The following OTOP3 variants were observed in gnomAD, a reference collection of about 807,000 sequenced individuals.
OTOP3 encodes otopetrin 3.
In OTOP3, 41 loss-of-function variants were observed where a neutral mutation model predicts 50.8. The ratio of observed to expected loss-of-function variants is 0.81; its 90% CI spans 0.63 to 1.05. OTOP3 has a LOEUF of 1.05. Ranked by LOEUF, OTOP3 falls within the 50% of genes least tolerant of loss-of-function variation. The pLI is 0.00. For synonymous variants in OTOP3, 320 were observed against 324.4 expected (o/e 0.99, Z 0.14); for missense variants, 788 against 760.8 (o/e 1.04, Z -0.42).
intron 1 of OTOP3, among the ~76,000 whole-genome samples, chr17:74,937,316 T>C (rs1044592848): frequency 1.3e-5 from 2 of 152,272 alleles, no homozygotes; most frequent in South Asian, 2.1e-4. Context: ...TACTATTCCA[T>C]AGTTGTATAT....
At position 74,947,596 on chromosome 17, in the gene OTOP3, A is replaced by C. The variant is rs150427354; in HGVS notation, c.1566+121A>C. ...TCCAACTAGCTTGATGCTGCTTGAG[A>C]GTGTCCCCCCAGTTCCCTACAGGGT... On this transcript the variant is annotated intron_variant, in intron 6 of 6. Transcript: ENST00000328801. 533 of 1,017,040 alleles carry C rather than the reference A, an allele frequency of 5.2e-4. 3 individuals carry two copies. In the African/African-American group the frequency reaches 7.9e-3, roughly 15 times the overall value. 63.0% of individuals were successfully genotyped at this position (1,017,040 alleles called of 1,614,324 possible).
rs77018335 is a variant in OTOP3 at position 74,949,563 on chromosome 17, G to A, written c.*147G>A. ...CTCCCCAGAGCCTCACTGAAGGGGA[G>A]GGCACTGCCTAGAGCCAGAGGCCAA... On this transcript the variant is annotated 3_prime_UTR_variant, in exon 7 of 7. Transcript: ENST00000328801. The A allele has an allele frequency of 0.22, 200,422 of 932,186 alleles. 22,514 individuals carry two copies. Among genetic ancestry groups the A allele is most frequent in the Middle Eastern group, 0.25 (718 of 2,928 alleles). The allele number at this position is 932,186 out of a possible 1,614,324, so 57.7% of individuals were successfully genotyped here.
intron 3 of OTOP3, 136 bp from the exon 4 acceptor site, chr17:74,943,150 A>C (rs2039193447): frequency 1.3e-6 from 1 of 786,796 alleles, no homozygotes; most frequent in East Asian, 2.4e-5. Context: ...CACAGCAAGA[A>C]GCAGTAGAGC....
chr17:74,940,498 C>A (rs1428523100), intron 1 of OTOP3, among the ~76,000 whole-genome samples: 1 of 152,146 alleles, frequency 6.6e-6, no homozygotes, highest in Non-Finnish European at 1.5e-5. Flanking sequence ...CAGTCCATGG[C>A]CTGTTAGGAA....
chr17:74,949,442 G>C lies in OTOP3; in HGVS notation c.*26G>C, dbSNP rs200838654. ...GGCTGCCCACCCCCGGCAGAACCTC[G>C]AAGTGCCAAGGTGGGGAAGATGGTA... On this transcript the variant is annotated 3_prime_UTR_variant, in exon 7 of 7. Coordinates refer to ENST00000328801, the MANE Select transcript of OTOP3 (RefSeq NM_001272005.2). 19 of 1,608,330 alleles carry C rather than the reference G, an allele frequency of 1.2e-5. No homozygotes were observed. The highest frequency in any genetic ancestry group is 1.5e-5 in the Non-Finnish European group (18 of 1,177,644).
intron 1 of OTOP3, 105 bp downstream of exon 1, chr17:74,936,045 G>T (rs999254023): frequency 2.7e-6 from 4 of 1,490,404 alleles, no homozygotes; most frequent in Non-Finnish European, 3.6e-6. Context: ...GGGCTGCAGG[G>T]ATTGGAACGG....
At chr17:74,949,010 C>T (rs749635070) in intron 6 of OTOP3, among the ~76,000 whole-genome samples, 2 of 152,210 alleles carry the variant, frequency 1.3e-5, no homozygotes, top group Admixed American at 1.3e-4. Context: ...GAAGTTCAGG[C>T]TGGCCACAGG....
At chr17:74,943,568 G>A (rs8069015) in intron 4 of OTOP3, 38 bp from the exon 5 acceptor site, 901,750 of 1,597,980 alleles carry the variant, frequency 0.56, 256,086 homozygotes, top group Admixed American at 0.65. Flanking sequence ...CTGGGGAGCC[G>A]GCCAGGGTGT....
At chr17:74,947,997 G>T (rs1043492156) in intron 6 of OTOP3, among the ~76,000 whole-genome samples, 3 of 152,220 alleles carry the variant, frequency 2.0e-5, no homozygotes, top group Non-Finnish European at 1.5e-5. Flanking sequence ...AAGTGGCAGG[G>T]CTGGGACAAC....
Position 74,947,367 on chromosome 17 carries a change from GGGCCTGCAGCGGGCCTCACT to G in OTOP3, c.1464_1483del (p.Gln489HisfsTer41). ...GAGGCTCCTTGCTGGAGCTGGGCCA[GGGCCTGCAGCGGGCCTCACT>G]GGCCTACATCCACTCCTACAGCCAC... On this transcript the variant is annotated frameshift_variant, in exon 6 of 7. Coordinates refer to ENST00000328801, the MANE Select transcript of OTOP3 (RefSeq NM_001272005.2). LOFTEE classifies it high-confidence loss of function. 6.2e-7 allele frequency: 1 copy of G among 1,613,090 alleles called. No homozygotes were observed. The highest frequency in any genetic ancestry group is 8.5e-7 in the Non-Finnish European group (1 of 1,180,024).
chr17:74,946,783 G>A lies in OTOP3; in HGVS notation c.874G>A (p.Val292Ile), dbSNP rs2039229027. 6.2e-7 allele frequency: 1 copy of A among 1,612,826 alleles called. No individual in the cohort carries two copies. Among genetic ancestry groups the A allele is most frequent in the Non-Finnish European group, 8.5e-7 (1 of 1,180,014 alleles). ...YCLICCAVLF[V>I]MWKNVGRHVA... is the part of the protein sequence containing the mutation. ...CCTCATCTGCTGTGCTGTGCTGTTT[G>A]TCATGTGGAAGAACGTGGGCCGCCA... The change falls in exon 6 of 7, where the codon GTC becomes ATC. Residue 292 changes from valine to isoleucine, a missense_variant. Physicochemically the swap from Val to Ile is conservative, Grantham distance 29. Coordinates refer to ENST00000328801, the MANE Select transcript of OTOP3 (RefSeq NM_001272005.2).
rs563342318 is a variant in OTOP3 at position 74,941,210 on chromosome 17, G to A, written c.20-183G>A. The stretch of plus-strand genomic sequence containing the variant: ...CGAGAGGTTTCCGTAGGGTCTCCTG[G>A]TCTGTTTGAACCTCCTCAGGTCCTG... On this transcript the variant is annotated intron_variant, in intron 1 of 6. Coordinates refer to ENST00000328801, the MANE Select transcript of OTOP3 (RefSeq NM_001272005.2). Among the ~76,000 whole-genome samples, 9 of 152,256 alleles carry A rather than the reference G, an allele frequency of 5.9e-5. No individual in the cohort carries two copies. In the South Asian group the frequency reaches 1.9e-3, roughly 32 times the overall value.
chr17:74,944,689 G>A (rs1481255223), intron 5 of OTOP3, among the ~76,000 whole-genome samples: 5 of 152,138 alleles, frequency 3.3e-5, no homozygotes, highest in Admixed American at 3.3e-4. Context: ...CCCGGGAGGC[G>A]GAGGTTGCGG....
rs1346607027 is a variant in OTOP3 at position 74,941,436 on chromosome 17, G to A, written c.63G>A (p.Glu21=). The A allele has an allele frequency of 6.3e-7, 1 of 1,579,874 alleles. No homozygotes were observed. The highest frequency in any genetic ancestry group is 1.3e-5 in the African/African-American group (1 of 74,166). Residue 21 remains glutamate, a synonymous_variant, in exon 2 of 7, where the codon GAG becomes GAA. Transcript: ENST00000328801. The part of the protein sequence containing the change: ...ATPMPSSEAQ[E]TEAAPEKENR... ...CCATGCCTTCTTCAGAAGCACAGGA[G>A]ACTGAAGCAGCCCCGGAGAAGGAGA...
chr17:74,946,302 G>A (rs981902202), intron 5 of OTOP3, among the ~76,000 whole-genome samples: 1 of 152,066 alleles, frequency 6.6e-6, no homozygotes, highest in African/African-American at 2.4e-5. Context: ...TAGTAGAGAC[G>A]AGGTCTCACC....
In OTOP3 at chr17:74,941,595, G is replaced by T. The variant is rs372888062; in HGVS notation, c.222G>T (p.Gly74=). 22 of 1,612,948 alleles carry T rather than the reference G, an allele frequency of 1.4e-5. No individual in the cohort carries two copies. The African/African-American group carries it at 2.3e-4, about 17-fold the overall frequency. Residue 74 remains glycine, a synonymous_variant, in exon 2 of 7, where the codon GGG becomes GGT. Transcript: ENST00000328801. Reference sequence around the variant, plus strand: ...AGAAGGCTGGACAACTCTTCTCGGGGCTCCTGGCCCTGAATGTGGTGTTCC... The same window carrying T: ...AGAAGGCTGGACAACTCTTCTCGGGTCTCCTGGCCCTGAATGTGGTGTTCC... ...QAQKAGQLFS[G]LLALNVVFLG... is the part of the protein sequence containing the mutation.
At chr17:74,944,425 G>T (rs2039206843) in intron 5 of OTOP3, among the ~76,000 whole-genome samples, 1 of 152,234 alleles carries the variant, frequency 6.6e-6, no homozygotes, top group Non-Finnish European at 1.5e-5. Flanking sequence ...TGCAAAGAGA[G>T]AATTTTTGCC....
Position 74,949,649 on chromosome 17 carries a change from C to A in OTOP3, c.*233C>A. Reference sequence around the variant, plus strand: ...CGGCCAGGCCTGGGCACATGCCTGCCCCCTGCCTTCCCACCACGATCCGCA... The same window carrying A: ...CGGCCAGGCCTGGGCACATGCCTGCACCCTGCCTTCCCACCACGATCCGCA... On this transcript the variant is annotated 3_prime_UTR_variant, in exon 7 of 7. Transcript: ENST00000328801. 1 of 521,706 alleles carries A rather than the reference C, an allele frequency of 1.9e-6. No homozygotes were observed. Among genetic ancestry groups the A allele is most frequent in the Non-Finnish European group, 3.3e-6 (1 of 299,436 alleles). The allele number at this position is 521,706 out of a possible 1,614,324, so 32.3% of individuals were successfully genotyped here. A position where few individuals can be genotyped will look rare whatever the true frequency, so the allele number is the denominator to read the frequency against.
intron 1 of OTOP3, among the ~76,000 whole-genome samples, chr17:74,940,744 G>A (rs963857009): frequency 1.3e-5 from 2 of 152,144 alleles, no homozygotes; most frequent in African/African-American, 4.8e-5. Context: ...TGGAAAAATT[G>A]TCTTCCACGA....
Sources: allele counts gnomAD v4.1 joint callset (sites outside exome capture counted in the v4.1 genomes callset), GRCh38; gene constraint gnomAD v4.1.1; transcripts MANE v1.5; gene names NCBI Gene and HGNC (gene_info 2026-07-23, HGNC 2026-07-21).